Variants in BNIP1 observed in about 807,000 individuals in gnomAD.
BNIP1 encodes the protein vesicle transport protein SEC20.
BNIP1 carries 25 observed loss-of-function variants against 28.5 expected under a neutral mutation model. The ratio of observed to expected loss-of-function variants is 0.88; its 90% CI spans 0.64 to 1.23. BNIP1 has a LOEUF of 1.23. Ranked by LOEUF, BNIP1 falls within the 50% of genes most tolerant of loss-of-function variation. The pLI is 0.00. For synonymous variants in BNIP1, 118 were observed against 101.7 expected, an observed-to-expected ratio of 1.16 and a Z score of -0.96; for missense variants, 276 against 277.0, an observed-to-expected ratio of 1.00 and a Z score of 0.02.
At position 173,148,121 on chromosome 5, in the gene BNIP1, T is replaced by A. The variant is rs1306315031; in HGVS notation, c.177+1163T>A. ...ATATATATATATATATATATATATA[T>A]ATATATATATATATATTTTAATAGA... On this transcript the variant is annotated intron_variant, in intron 2 of 5. Transcript: ENST00000351486. Among the ~76,000 whole-genome samples, 88 of 97,052 alleles carry A rather than the reference T, an allele frequency of 9.1e-4. 1 individual carries two copies. The highest frequency in any genetic ancestry group is 1.3e-3 in the Non-Finnish European group (65 of 51,168). The allele number at this position is 97,052 out of a possible 152,430, so 63.7% of individuals were successfully genotyped here. A position where few individuals can be genotyped will look rare whatever the true frequency, so the allele number is the denominator to read the frequency against.
chr5:173,157,108 G>A (rs1056964611), intron 3 of BNIP1, among the ~76,000 whole-genome samples: 9 of 152,286 alleles, frequency 5.9e-5, no homozygotes, highest in Non-Finnish European at 1.2e-4. Context: ...TTGAGGAGAA[G>A]TACTGCCCCT....
intron 2 of BNIP1, among the ~76,000 whole-genome samples, chr5:173,147,578 C>T (rs928843355): frequency 8.5e-6 from 1 of 118,204 alleles, no homozygotes; most frequent in Non-Finnish European, 2.0e-5. Flanking sequence ...CAATCCATCA[C>T]ACTCCTGGGT....
intron 3 of BNIP1, among the ~76,000 whole-genome samples, chr5:173,158,480 GCCCCT>G (rs1760268514): frequency 1.3e-5 from 2 of 152,224 alleles, no homozygotes; most frequent in Non-Finnish European, 2.9e-5. Flanking sequence ...CATGTTCACA[GCCCCT>G]TGGGCTGACG....
chr5:173,158,793 G>A lies in BNIP1; in HGVS notation c.319G>A (p.Asp107Asn), dbSNP rs370583969. 28 of 1,613,984 alleles carry A rather than the reference G, an allele frequency of 1.7e-5. No homozygotes were observed. The highest frequency in any genetic ancestry group is 2.2e-5 in the East Asian group (1 of 44,886). ...KANLTCKIAI[D>N]NLEKAELLQG... ...TAATCTCACCTGCAAAATTGCAATC[G>A]ACAATCTAGAGAAAGCAGAACTTCT... The change falls in exon 4 of 6, where the codon GAC (aspartate) becomes AAC (asparagine). Residue 107 changes from aspartate to asparagine, a missense_variant. Transcript: ENST00000351486.
intron 2 of BNIP1, among the ~76,000 whole-genome samples, chr5:173,152,435 C>T (rs1760050897): frequency 6.6e-6 from 1 of 152,038 alleles, no homozygotes; most frequent in Admixed American, 6.6e-5. Flanking sequence ...CTGCAATCTC[C>T]ACTTCCCGGG....
At chr5:173,158,691 G>T in intron 3 of BNIP1, 53 bp from the exon 4 acceptor site, 1 of 1,461,370 alleles carries the variant, frequency 6.8e-7, no homozygotes, top group Non-Finnish European at 9.5e-7. Flanking sequence ...GAATTGAACT[G>T]ACTTATGGCT....
chr5:173,154,260 G>A lies in BNIP1; in HGVS notation c.178-62G>A, dbSNP rs533028070. 4.7e-6 allele frequency: 7 copies of A among 1,482,386 alleles called. No homozygotes were observed. In the East Asian group the frequency reaches 1.1e-4, roughly 24 times the overall value. 91.8% of individuals were successfully genotyped at this position (1,482,386 alleles called of 1,614,324 possible). ...GTATGCCCTTGGCAGAAATAGAAAT[G>A]CTCTTCTGCTTTCATGTTGACTTTT... On this transcript the variant is annotated intron_variant, in intron 2 of 5. Coordinates refer to ENST00000351486, the MANE Select transcript of BNIP1 (RefSeq NM_001205.3).
chr5:173,146,169 C>T (rs1033249412), intron 1 of BNIP1, among the ~76,000 whole-genome samples: 2 of 152,226 alleles, frequency 1.3e-5, no homozygotes, highest in Non-Finnish European at 1.5e-5. Flanking sequence ...GCTTTACATA[C>T]ATACATAATC....
intron 2 of BNIP1, among the ~76,000 whole-genome samples, chr5:173,148,499 A>G (rs1422028343): frequency 6.6e-6 from 1 of 152,066 alleles, no homozygotes; most frequent in Non-Finnish European, 1.5e-5. Context: ...GGGATGGCAC[A>G]GGCCCAGGGC....
intron 1 of BNIP1, among the ~76,000 whole-genome samples, chr5:173,145,247 C>A (rs1759798641): frequency 6.6e-6 from 1 of 152,152 alleles, no homozygotes; most frequent in African/African-American, 2.4e-5. Context: ...TAGAGTGTTA[C>A]CCCGTTTGAA....
In BNIP1 at chr5:173,164,207, A is replaced by C. The variant is rs2113866244; in HGVS notation, c.*286A>C. On this transcript the variant is annotated 3_prime_UTR_variant, in exon 6 of 6. Transcript: ENST00000351486. This position sits in a 1 kb window ranked among gnomAD's most constrained non-coding sequence, Gnocchi z 4.0. The stretch of plus-strand genomic sequence containing the variant: ...AGGCCGCTGCTGCGTGGAGCACTTA[A>C]AGTCCAGCCTCCAGGACCGGATGCC... 1 of 273,996 alleles carries C rather than the reference A, an allele frequency of 3.6e-6. No individual in the cohort carries two copies. Among genetic ancestry groups the C allele is most frequent in the East Asian group, 6.4e-5 (1 of 15,598 alleles). The allele number at this position is 273,996 out of a possible 1,614,324, so 17.0% of individuals were successfully genotyped here. A position where few individuals can be genotyped will look rare whatever the true frequency, so the allele number is the denominator to read the frequency against.
At position 173,154,370 on chromosome 5, in the gene BNIP1, C is replaced by A; in HGVS notation, c.226C>A (p.Leu76Ile). Reference sequence around the variant, plus strand: ...GCAAGACAAAGAATCAGAGAAACAACTTCTACTCCAGGAAGTGGAGAATCA... The same window carrying A: ...GCAAGACAAAGAATCAGAGAAACAAATTCTACTCCAGGAAGTGGAGAATCA... ...KEQDKESEKQ[L>I]LLQEVENHKK... The change falls in exon 3 of 6, where the codon CTT (leucine) becomes ATT (isoleucine). Residue 76 changes from leucine (L) to isoleucine (I), a missense_variant. Leu to Ile is a conservative substitution (Grantham distance 5). Coordinates refer to ENST00000351486, the MANE Select transcript of BNIP1 (RefSeq NM_001205.3). 1 of 1,614,048 alleles carries A rather than the reference C, an allele frequency of 6.2e-7. No homozygotes were observed. Among genetic ancestry groups the A allele is most frequent in the Non-Finnish European group, 8.5e-7 (1 of 1,179,948 alleles).
At position 173,148,083 on chromosome 5, in the gene BNIP1, AATATATATATATAT is replaced by A. The variant is rs70984952; in HGVS notation, c.177+1166_177+1179del. ...GTGTCAAAAAAAAAAAAAAAAAAAA[AATATATATATATAT>A]ATATATATATATATATATATATATA... On this transcript the variant is annotated intron_variant, in intron 2 of 5. Transcript: ENST00000351486. Among the ~76,000 whole-genome samples the A allele has an allele frequency of 8.8e-3, 353 of 40,094 alleles. 7 individuals carry two copies. The highest frequency in any genetic ancestry group is 0.011 in the South Asian group (7 of 624). The allele number at this position is 40,094 out of a possible 152,430, so 26.3% of individuals were successfully genotyped here.
rs137856515 is a variant in BNIP1, at chr5:173,149,748, C to G, written c.177+2790C>G. ...GGAAGCTTCCAGTCATGGCAGAAGG[C>G]AAAGGGAGCAGGCATGTCACATGAC... On this transcript the variant is annotated intron_variant, in intron 2 of 5. Transcript: ENST00000351486. Among the ~76,000 whole-genome samples, 786 of 152,212 alleles carry G rather than the reference C, an allele frequency of 5.2e-3. 9 individuals carry two copies. The highest frequency in any genetic ancestry group is 0.018 in the African/African-American group (727 of 41,516).
At chr5:173,160,106 T>G (rs1459602590) in intron 5 of BNIP1, 55 bp downstream of exon 5, 1 of 1,511,170 alleles carries the variant, frequency 6.6e-7, no homozygotes, top group Admixed American at 1.8e-5. Flanking sequence ...TCTAGGGCCC[T>G]TGCCCTGGCA....
At chr5:173,146,811 G>A in intron 1 of BNIP1, 55 bp from the exon 2 acceptor site, 1 of 1,324,524 alleles carries the variant, frequency 7.5e-7, no homozygotes, top group Admixed American at 1.7e-5. Context: ...TATGGATGGT[G>A]TCATTTCATT....
intron 2 of BNIP1, among the ~76,000 whole-genome samples, chr5:173,151,312 A>G (rs1380230210): frequency 6.6e-6 from 1 of 151,424 alleles, no homozygotes; most frequent in East Asian, 2.0e-4. Flanking sequence ...TTGATTTCCC[A>G]GGCTCAAGCG....
chr5:173,155,059 A>G (rs1435905208), intron 3 of BNIP1, among the ~76,000 whole-genome samples: 2 of 152,232 alleles, frequency 1.3e-5, no homozygotes, highest in Non-Finnish European at 1.5e-5. Flanking sequence ...ATCTACAGAA[A>G]GAAAACCTGC....
At chr5:173,155,347 C>A (rs1760154722) in intron 3 of BNIP1, among the ~76,000 whole-genome samples, 1 of 152,208 alleles carries the variant, frequency 6.6e-6, no homozygotes, top group African/African-American at 2.4e-5. Context: ...TTGTACCAAT[C>A]ATAAAGAGGG....
Sources: allele counts gnomAD v4.1 joint callset (sites outside exome capture counted in the v4.1 genomes callset), GRCh38; gene constraint gnomAD v4.1.1; non-coding constraint Gnocchi (gnomAD v3.1); transcripts MANE v1.5; gene names NCBI Gene and HGNC (gene_info 2026-07-23, HGNC 2026-07-21).